THSD7B: variants seen among roughly 807,000 people sequenced by gnomAD.
The protein encoded by THSD7B is thrombospondin type-1 domain-containing protein 7B.
Under a neutral mutation model 213.6 loss-of-function variants are expected in THSD7B, and 138 were observed. The ratio of observed to expected loss-of-function variants is 0.65; its 90% confidence interval spans 0.56 to 0.74. The LOEUF (loss-of-function observed/expected upper bound fraction) is 0.74, where lower values mean the gene tolerates loss of function less well. Ranked by LOEUF, THSD7B falls within the 30% of genes least tolerant of loss-of-function variation. The pLI is 0.00. For synonymous variants in THSD7B, 742 were observed against 687.0 expected (o/e 1.08, Z -1.25); for missense variants, 1,931 against 1,991.5 (o/e 0.97, Z 0.58).
At chr2:137,498,823 G>A (rs1679634746) in intron 15 of THSD7B, among the ~76,000 whole-genome samples, 1 of 152,150 alleles carries the variant, frequency 6.6e-6, no homozygotes, top group Non-Finnish European at 1.5e-5. Flanking sequence ...GAGAGCAGAG[G>A]CCTAAGTGAG....
chr2:137,330,959 C>A (rs975717928), intron 12 of THSD7B, among the ~76,000 whole-genome samples: 1 of 152,178 alleles, frequency 6.6e-6, no homozygotes, highest in Non-Finnish European at 1.5e-5. Flanking sequence ...AAGTCCCCAT[C>A]AGATTAGTTA....
rs151240509 is a variant in THSD7B at position 137,518,123 on chromosome 2, T to C, written c.3139-45098T>C. 2.9e-3 allele frequency among the ~76,000 whole-genome samples: 437 copies of C among 152,160 alleles called. 1 individual carries two copies. The highest frequency in any genetic ancestry group is 1.0e-2 in the African/African-American group (413 of 41,506). On this transcript the variant is annotated intron_variant, in intron 15 of 27. Transcript: ENST00000409968. ...GTCCCGAAGGCACAAGTAAGTTACA[T>C]GAGGAAGTGGCTGAAATGCCCATGG...
chr2:137,136,321 T>C (rs558542139), intron 5 of THSD7B, among the ~76,000 whole-genome samples: 37 of 152,290 alleles, frequency 2.4e-4, no homozygotes, highest in African/African-American at 8.9e-4. Context: ...AAAATGAATT[T>C]GGAGGAATGA....
intron 3 of THSD7B, among the ~76,000 whole-genome samples, chr2:137,066,422 G>T (rs1414332245): frequency 6.6e-6 from 1 of 151,936 alleles, no homozygotes; most frequent in Non-Finnish European, 1.5e-5. Flanking sequence ...TTGAACTCCT[G>T]ACCTTAAATA....
chr2:136,986,605 A>G (rs1259950475), intron 2 of THSD7B, among the ~76,000 whole-genome samples: 1 of 152,238 alleles, frequency 6.6e-6, no homozygotes, highest in African/African-American at 2.4e-5. Flanking sequence ...AACACATGCA[A>G]GGAAGCAAAT....
intron 1 of THSD7B, among the ~76,000 whole-genome samples, chr2:136,811,379 A>G (rs1048433552): frequency 6.6e-6 from 1 of 152,152 alleles, no homozygotes; most frequent in African/African-American, 2.4e-5. Flanking sequence ...GTGAAATAGT[A>G]GAGAAATGAG....
At chr2:137,359,494 G>A (rs1685206046) in intron 12 of THSD7B, among the ~76,000 whole-genome samples, 1 of 152,140 alleles carries the variant, frequency 6.6e-6, no homozygotes, top group African/African-American at 2.4e-5. Flanking sequence ...TGCTACCAAG[G>A]AAAACTACCA....
At chr2:137,541,827 G>C (rs1680616060) in intron 15 of THSD7B, among the ~76,000 whole-genome samples, 2 of 150,458 alleles carry the variant, frequency 1.3e-5, no homozygotes, top group South Asian at 4.2e-4. Flanking sequence ...AAATTTACTA[G>C]AGGGCTTAAG....
chr2:137,360,816 GA>G (rs1249002283), intron 12 of THSD7B, among the ~76,000 whole-genome samples: 1 of 152,212 alleles, frequency 6.6e-6, no homozygotes, highest in Non-Finnish European at 1.5e-5. Flanking sequence ...AACTTCTGCA[GA>G]CTTAAACATC....
intron 17 of THSD7B, among the ~76,000 whole-genome samples, chr2:137,584,948 T>C (rs1681684557): frequency 2.6e-5 from 4 of 152,230 alleles, no homozygotes; most frequent in Non-Finnish European, 5.9e-5. Flanking sequence ...AGAATTCGGC[T>C]GTGAATCCGT....
intron 17 of THSD7B, among the ~76,000 whole-genome samples, chr2:137,592,821 C>A (rs62168019): frequency 1.3e-5 from 2 of 151,918 alleles, no homozygotes; most frequent in African/African-American, 4.8e-5. Flanking sequence ...TAAGCCAAAT[C>A]TAGTACACTA....
intron 1 of THSD7B, among the ~76,000 whole-genome samples, chr2:136,839,139 CAGAT>C (rs1682884166): frequency 6.6e-6 from 1 of 152,204 alleles, no homozygotes; most frequent in East Asian, 1.9e-4. Context: ...AGGGAGCTTG[CAGAT>C]TTTCCTAGAC....
At chr2:137,125,694 A>G (rs1688619195) in intron 5 of THSD7B, among the ~76,000 whole-genome samples, 1 of 152,112 alleles carries the variant, frequency 6.6e-6, no homozygotes, top group Non-Finnish European at 1.5e-5. Flanking sequence ...CGCATTTTCA[A>G]TTTACTTTTC....
intron 2 of THSD7B, among the ~76,000 whole-genome samples, chr2:136,936,823 A>AT (rs35855225): frequency 0.36 from 54,505 of 150,894 alleles, 12,688 homozygotes; most frequent in Non-Finnish European, 0.53. Context: ...TATGGAAATA[A>AT]TTTTTTTTAA....
intron 16 of THSD7B, among the ~76,000 whole-genome samples, chr2:137,566,437 G>A (rs1204513186): frequency 6.6e-6 from 1 of 152,136 alleles, no homozygotes; most frequent in African/African-American, 2.4e-5. Flanking sequence ...TGTTTTATAA[G>A]CATAAATAAC....
intron 15 of THSD7B, among the ~76,000 whole-genome samples, chr2:137,470,913 T>TTTTTTTTTTTTTTTTTTC (rs1688080476): frequency 1.3e-4 from 3 of 24,000 alleles, no homozygotes; most frequent in Non-Finnish European, 4.1e-4. Context: ...TTCTTTACTT[T>TTTTTTTTTTTTTTTTTTC]TTTTTTTTTT....
At chr2:137,397,765 C>T (rs1375911064) in intron 12 of THSD7B, among the ~76,000 whole-genome samples, 1 of 151,470 alleles carries the variant, frequency 6.6e-6, no homozygotes, top group East Asian at 1.9e-4. Context: ...AGAGTGTTTT[C>T]CAACTTGGTT....
chr2:137,243,338 C>T (rs1243106546), intron 10 of THSD7B, among the ~76,000 whole-genome samples: 1 of 152,166 alleles, frequency 6.6e-6, no homozygotes, highest in Non-Finnish European at 1.5e-5. Context: ...CATACACTAG[C>T]CTTGGCCCTT....
chr2:137,623,310 G>A (rs918139529), intron 20 of THSD7B, among the ~76,000 whole-genome samples: 3 of 152,088 alleles, frequency 2.0e-5, no homozygotes, highest in African/African-American at 4.8e-5. Context: ...AATAAACTAG[G>A]TATTGATGGG....
Sources: allele counts gnomAD v4.1 joint callset (sites outside exome capture counted in the v4.1 genomes callset), GRCh38; gene constraint gnomAD v4.1.1; transcripts MANE v1.5; gene names NCBI Gene and HGNC (gene_info 2026-07-23, HGNC 2026-07-21).